The following EXT2 variants were observed in gnomAD, a reference collection of about 807,000 sequenced individuals.
The protein encoded by EXT2 is exostosin-2.
A neutral mutation model predicts 81.6 loss-of-function variants in EXT2; 53 were observed. The observed-to-expected ratio is 0.65, with a 90% CI of 0.52 to 0.82. The LOEUF (loss-of-function observed/expected upper bound fraction) is 0.82. Ranked by LOEUF, EXT2 falls within the 40% of genes least tolerant of loss-of-function variation. The probability of loss-of-function intolerance (pLI) is 0.00; values close to 1 mark genes in which losing one functional copy is unlikely to be tolerated. For missense variants in EXT2, 774 were observed against 910.2 expected (o/e 0.85, Z 1.93); for synonymous variants, 320 against 340.0 (o/e 0.94, Z 0.65).
At chr11:44,179,643 T>C (rs1955207074) in intron 8 of EXT2, among the ~76,000 whole-genome samples, 1 of 152,252 alleles carries the variant, frequency 6.6e-6, no homozygotes, top group Admixed American at 6.5e-5. Flanking sequence ...GCTTAAATGA[T>C]TCAATAATAG....
intron 7 of EXT2, among the ~76,000 whole-genome samples, chr11:44,158,587 T>C (rs973433008): frequency 1.3e-5 from 2 of 150,710 alleles, no homozygotes; most frequent in African/African-American, 4.8e-5. Flanking sequence ...AATAAATTGA[T>C]TTTTATTAAA....
intron 4 of EXT2, among the ~76,000 whole-genome samples, chr11:44,119,124 T>TTTTATATATATATA (rs1555004226): frequency 5.1e-4 from 13 of 25,642 alleles, no homozygotes; most frequent in South Asian, 2.1e-3. Context: ...ATTTGGCTAT[T>TTTTATATATATATA]TATATATATA....
chr11:44,222,406 C>T (rs1955791443), intron 10 of EXT2, among the ~76,000 whole-genome samples: 2 of 152,164 alleles, frequency 1.3e-5, no homozygotes, highest in African/African-American at 4.8e-5. Flanking sequence ...ATAGTAGCTG[C>T]TCAATAAATA....
intron 7 of EXT2, chr11:44,144,231 C>A (rs1358792654): frequency 4.4e-6 from 7 of 1,591,834 alleles, no homozygotes; most frequent in Non-Finnish European, 6.0e-6. Flanking sequence ...TTAAAGGTTT[C>A]CAATTCACCT....
chr11:44,146,585 T>C (rs1456248967), intron 7 of EXT2, among the ~76,000 whole-genome samples: 1 of 152,186 alleles, frequency 6.6e-6, no homozygotes, highest in Non-Finnish European at 1.5e-5. Flanking sequence ...ACCGGCCTGT[T>C]GGGCTCAACT....
intron 7 of EXT2, among the ~76,000 whole-genome samples, chr11:44,166,142 A>G (rs1471873936): frequency 6.6e-6 from 1 of 152,262 alleles, no homozygotes; most frequent in African/African-American, 2.4e-5. Context: ...GAGAGAAAAA[A>G]GTAATCCTCT....
chr11:44,229,367 G>C (rs2135253163), intron 10 of EXT2, among the ~76,000 whole-genome samples: 1 of 152,314 alleles, frequency 6.6e-6, no homozygotes, highest in Non-Finnish European at 1.5e-5. Context: ...TGTTTGACAT[G>C]GATTCATTTG....
rs762471785 is a variant in EXT2, at chr11:44,244,689, A to T, written c.*402A>T. 1.0e-4 allele frequency: 33 copies of T among 329,556 alleles called. No homozygotes were observed. Among genetic ancestry groups the T allele is most frequent in the Non-Finnish European group, 1.8e-4 (32 of 175,304 alleles). 20.4% of individuals were successfully genotyped at this position (329,556 alleles called of 1,614,324 possible). A position where few individuals can be genotyped will look rare whatever the true frequency, so the allele number is the denominator to read the frequency against. On this transcript the variant is annotated 3_prime_UTR_variant, in exon 14 of 14. Coordinates refer to ENST00000533608, the MANE Select transcript of EXT2 (RefSeq NM_207122.2). The stretch of plus-strand genomic sequence containing the variant: ...CCATTTGAGGTCTGGGGAATCATGT[A>T]AAGGGTACCCAGACCTCACTTTTAG...
At chr11:44,213,343 C>T (rs1955675619) in intron 10 of EXT2, among the ~76,000 whole-genome samples, 1 of 152,174 alleles carries the variant, frequency 6.6e-6, no homozygotes, top group Non-Finnish European at 1.5e-5. Flanking sequence ...AATTACTCAT[C>T]ATACCAGAAA....
chr11:44,213,530 G>A (rs1333217861), intron 10 of EXT2, among the ~76,000 whole-genome samples: 1 of 152,118 alleles, frequency 6.6e-6, no homozygotes, highest in African/African-American at 2.4e-5. Flanking sequence ...TAAAAAGACA[G>A]AAGATATAAA....
At chr11:44,226,114 G>A (rs1955835769) in intron 10 of EXT2, among the ~76,000 whole-genome samples, 1 of 152,016 alleles carries the variant, frequency 6.6e-6, no homozygotes, top group South Asian at 2.1e-4. Context: ...CCATCTTCAT[G>A]GCACCTGGCC....
intron 4 of EXT2, among the ~76,000 whole-genome samples, chr11:44,122,167 C>T (rs1207294891): frequency 9.2e-5 from 14 of 152,120 alleles, no homozygotes; most frequent in Admixed American, 3.3e-4. Flanking sequence ...AAAGAGCCAG[C>T]GTCTTATTGT....
intron 7 of EXT2, chr11:44,144,262 G>C (rs1954685442): frequency 6.3e-7 from 1 of 1,598,390 alleles, no homozygotes; most frequent in Non-Finnish European, 8.5e-7. Flanking sequence ...CATGGAACCA[G>C]CCAGGAGAGA....
intron 9 of EXT2, among the ~76,000 whole-genome samples, chr11:44,201,341 A>G (rs2135192850): frequency 6.6e-6 from 1 of 152,320 alleles, no homozygotes; most frequent in East Asian, 1.9e-4. Flanking sequence ...CTTCACAAGA[A>G]TCCATTTGTG....
intron 10 of EXT2, among the ~76,000 whole-genome samples, chr11:44,226,938 G>A (rs549874611): frequency 6.6e-6 from 1 of 152,320 alleles, no homozygotes; most frequent in South Asian, 2.1e-4. Context: ...TCTATAGACT[G>A]CACCCCCAAT....
At chr11:44,207,555 A>G (rs1422685779) in intron 10 of EXT2, among the ~76,000 whole-genome samples, 3 of 152,186 alleles carry the variant, frequency 2.0e-5, no homozygotes, top group African/African-American at 7.2e-5. Context: ...ATAGGAATTG[A>G]TGGGCCCTGT....
intron 7 of EXT2, chr11:44,144,440 CT>C: frequency 1.0e-6 from 1 of 988,894 alleles, no homozygotes; most frequent in Non-Finnish European, 1.5e-6. Context: ...GTGGCTCCTG[CT>C]TTAGTAACCT....
At chr11:44,216,823 G>C (rs1280876067) in intron 10 of EXT2, among the ~76,000 whole-genome samples, 1 of 151,672 alleles carries the variant, frequency 6.6e-6, no homozygotes, top group Non-Finnish European at 1.5e-5. Flanking sequence ...TAAGATAAAT[G>C]ATGAGGGAGA....
intron 7 of EXT2, among the ~76,000 whole-genome samples, chr11:44,164,651 GT>G (rs1317866563): frequency 6.6e-6 from 1 of 152,186 alleles, no homozygotes; most frequent in Admixed American, 6.5e-5. Flanking sequence ...TAATTCTCAT[GT>G]TTGAAAATAT....
Sources: allele counts gnomAD v4.1 joint callset (sites outside exome capture counted in the v4.1 genomes callset), GRCh38; gene constraint gnomAD v4.1.1; transcripts MANE v1.5; gene names NCBI Gene and HGNC (gene_info 2026-07-23, HGNC 2026-07-21).